Variants in COL22A1 observed in about 807,000 individuals in gnomAD.
The protein encoded by COL22A1 is collagen alpha-1(XXII) chain.
A neutral mutation model predicts 248.9 loss-of-function variants in COL22A1; 221 were observed. That is an observed-to-expected ratio of 0.89 (90% CI 0.80 to 0.99). The LOEUF is 0.99. Ranked by LOEUF, COL22A1 falls within the 50% of genes least tolerant of loss-of-function variation. The pLI is 0.00. For synonymous variants in COL22A1, 891 were observed against 793.4 expected, an observed-to-expected ratio of 1.12 and a Z score of -2.07; for missense variants, 2,240 against 2,179.0, an observed-to-expected ratio of 1.03 and a Z score of -0.56.
At chr8:138,640,300 C>A (rs185890595) in intron 47 of COL22A1, among the ~76,000 whole-genome samples, 472 of 152,174 alleles carry the variant, frequency 3.1e-3, no homozygotes, top group African/African-American at 0.01. Context: ...ACATTCATAC[C>A]AGGAATTGCT....
At chr8:138,595,622 T>C (rs1377150078) in intron 62 of COL22A1, among the ~76,000 whole-genome samples, 1 of 152,054 alleles carries the variant, frequency 6.6e-6, no homozygotes, top group Non-Finnish European at 1.5e-5. Flanking sequence ...CCCTTTGCCC[T>C]CATTTCCATA....
At chr8:138,878,858 A>C (rs528668375) in intron 2 of COL22A1, among the ~76,000 whole-genome samples, 20 of 152,184 alleles carry the variant, frequency 1.3e-4, no homozygotes, top group African/African-American at 4.6e-4. Flanking sequence ...AATACAAAAA[A>C]TTAGCCAGCA....
intron 41 of COL22A1, among the ~76,000 whole-genome samples, chr8:138,675,410 A>T (rs994578745): frequency 2.0e-5 from 3 of 152,214 alleles, no homozygotes; most frequent in African/African-American, 7.2e-5. Flanking sequence ...CGTGGCCTTC[A>T]TTTATTGAAT....
chr8:138,796,409 T>G, intron 12 of COL22A1, among the ~76,000 whole-genome samples: 1 of 145,542 alleles, frequency 6.9e-6, no homozygotes, highest in African/African-American at 2.5e-5. Flanking sequence ...TTTTTTTTTT[T>G]TTTTTTTTTG....
intron 23 of COL22A1, among the ~76,000 whole-genome samples, chr8:138,736,811 G>A (rs543314290): frequency 5.1e-4 from 78 of 152,266 alleles, no homozygotes; most frequent in Middle Eastern, 3.4e-3. Flanking sequence ...CTCTGAGACT[G>A]GGGCCCTAAC....
chr8:138,726,695 G>A (rs1830341944), intron 23 of COL22A1, among the ~76,000 whole-genome samples: 2 of 152,142 alleles, frequency 1.3e-5, no homozygotes, highest in South Asian at 4.1e-4. Flanking sequence ...AACAAGGCAG[G>A]TGGGCTGCAT....
chr8:138,702,889 A>G (rs552043223), intron 31 of COL22A1, among the ~76,000 whole-genome samples: 5 of 152,184 alleles, frequency 3.3e-5, no homozygotes, highest in African/African-American at 1.2e-4. Flanking sequence ...CATGCCCTCA[A>G]AGCCCACACT....
intron 1 of COL22A1, among the ~76,000 whole-genome samples, chr8:138,901,170 CAAA>C (rs35437692): frequency 3.6e-5 from 4 of 109,916 alleles, no homozygotes; most frequent in Admixed American, 1.0e-4. Flanking sequence ...CCACTGCTTT[CAAA>C]AAAAAAAAAA....
intron 2 of COL22A1, among the ~76,000 whole-genome samples, chr8:138,879,757 T>G (rs1018629115): frequency 1.3e-5 from 2 of 150,680 alleles, no homozygotes; most frequent in African/African-American, 4.9e-5. Context: ...AGTTTGACTC[T>G]TCCAGAAGGT....
At chr8:138,633,818 T>G (rs1203065454) in intron 49 of COL22A1, among the ~76,000 whole-genome samples, 3 of 152,308 alleles carry the variant, frequency 2.0e-5, no homozygotes, top group South Asian at 2.1e-4. Flanking sequence ...ATTGTAGAAT[T>G]TTGTGAAGTT....
intron 37 of COL22A1, among the ~76,000 whole-genome samples, chr8:138,687,657 C>A (rs1826469650): frequency 6.6e-6 from 1 of 152,156 alleles, no homozygotes; most frequent in Non-Finnish European, 1.5e-5. Flanking sequence ...TCTGCTGAGT[C>A]CTTTGCACAT....
intron 6 of COL22A1, chr8:138,825,929 A>G (rs1819544261): frequency 6.6e-6 from 1 of 152,212 alleles, no homozygotes; most frequent in Non-Finnish European, 1.5e-5. Flanking sequence ...GATGGTGTTG[A>G]TGGCTTTGAA....
intron 23 of COL22A1, among the ~76,000 whole-genome samples, chr8:138,729,158 G>A (rs970395805): frequency 6.6e-6 from 1 of 152,122 alleles, no homozygotes; most frequent in African/African-American, 2.4e-5. Flanking sequence ...AAAATGAACT[G>A]ATATTAGATA....
intron 6 of COL22A1, among the ~76,000 whole-genome samples, chr8:138,823,159 T>G (rs1819284952): frequency 6.6e-6 from 1 of 152,184 alleles, no homozygotes. Context: ...CCAATAGTAG[T>G]GCCTATTTGT....
chr8:138,752,500 C>A (rs1241267768), intron 21 of COL22A1, among the ~76,000 whole-genome samples: 2 of 152,200 alleles, frequency 1.3e-5, no homozygotes, highest in African/African-American at 4.8e-5. Context: ...AGGTGTGGAT[C>A]TCTCTTCCTA....
At chr8:138,648,184 C>T (rs894319101) in intron 46 of COL22A1, among the ~76,000 whole-genome samples, 1 of 152,222 alleles carries the variant, frequency 6.6e-6, no homozygotes, top group African/African-American at 2.4e-5. Flanking sequence ...AGCTTTAGCA[C>T]TGGCCCCTGT....
At chr8:138,801,185 G>A (rs1272853731) in intron 11 of COL22A1, among the ~76,000 whole-genome samples, 2 of 152,030 alleles carry the variant, frequency 1.3e-5, no homozygotes, top group Non-Finnish European at 2.9e-5. Flanking sequence ...ACAGCCAAGT[G>A]AGCACAAGAC....
At chr8:138,685,183 C>T in intron 38 of COL22A1, 25 bp downstream of exon 38, 1 of 1,493,182 alleles carries the variant, frequency 6.7e-7, no homozygotes, top group Non-Finnish European at 9.3e-7. Context: ...TCTACAGGCA[C>T]TGGGACCCCC....
chr8:138,807,580 C>T (rs1169678044), intron 10 of COL22A1, among the ~76,000 whole-genome samples, 188 bp downstream of exon 10: 1 of 152,176 alleles, frequency 6.6e-6, no homozygotes, highest in East Asian at 1.9e-4. Context: ...ACTGGAGGTT[C>T]TGGGCAGTTA....
Sources: gnomAD v4.1 joint callset for allele counts (sites outside exome capture counted in the v4.1 genomes callset) on GRCh38, gnomAD v4.1.1 for gene constraint, MANE v1.5 for transcripts, NCBI Gene and HGNC (gene_info 2026-07-23, HGNC 2026-07-21) for gene names.